SPATA6L: variants seen among roughly 807,000 people sequenced by gnomAD.
The protein encoded by SPATA6L is spermatogenesis associated 6 like, also known as spermatogenesis associated 6-like protein.
A neutral mutation model predicts 49.2 loss-of-function variants in SPATA6L; 68 were observed. That is an observed-to-expected ratio of 1.38 (90% CI 1.14 to 1.69). The LOEUF (loss-of-function observed/expected upper bound fraction) is 1.69. SPATA6L is among the 40% of genes most tolerant of loss of function. SPATA6L has a pLI of 0.00. For missense variants in SPATA6L, 668 were observed against 464.3 expected (o/e 1.44, Z -4.03); for synonymous variants, 198 against 165.7 (o/e 1.19, Z -1.50).
chr9:4,592,086 G>A (rs556432337), intron 13 of SPATA6L, among the ~76,000 whole-genome samples: 7 of 152,190 alleles, frequency 4.6e-5, no homozygotes, highest in East Asian at 1.9e-4. Context: ...AGGCCGAGGC[G>A]GGTGGATCAT....
chr9:4,654,713 T>C (rs557249333), intron 3 of SPATA6L, among the ~76,000 whole-genome samples: 37 of 152,306 alleles, frequency 2.4e-4, no homozygotes, highest in Middle Eastern at 3.4e-3. Context: ...CTCTTCCAAC[T>C]GCCCCGGCCA....
chr9:4,620,186 C>A (rs1316695819), intron 7 of SPATA6L, among the ~76,000 whole-genome samples: 2 of 152,304 alleles, frequency 1.3e-5, no homozygotes, highest in Middle Eastern at 3.4e-3. Flanking sequence ...TAGCCACAAA[C>A]CTGCCCTGTG....
intron 3 of SPATA6L, among the ~76,000 whole-genome samples, chr9:4,639,151 T>C (rs1313112974): frequency 6.6e-6 from 1 of 152,182 alleles, no homozygotes; most frequent in East Asian, 1.9e-4. Context: ...TGACATTGCC[T>C]ACCATTACCA....
At chr9:4,618,983 A>C in intron 7 of SPATA6L, 85 bp from the exon 8 acceptor site, 2 of 1,263,136 alleles carry the variant, frequency 1.6e-6, no homozygotes, top group Non-Finnish European at 2.2e-6. Flanking sequence ...CTACAGCAGT[A>C]CAAAAATTTT....
In SPATA6L at chr9:4,662,786, G is replaced by T; in HGVS notation, c.40-750C>A. On this transcript the variant is annotated intron_variant, in intron 1 of 11. Coordinates refer to ENST00000682582, the MANE Select transcript of SPATA6L (RefSeq NM_001353486.2). This position sits in a 1 kb window ranked among gnomAD's most constrained non-coding sequence, Gnocchi z 4.9. ...GCGTGCGACCCCTTATGAAGCTGCT[G>T]GAGATCTCGGGACACGGCATCCCCT... The T allele has an allele frequency of 6.2e-7, 1 of 1,605,240 alleles. No homozygotes were observed.
chr9:4,652,841 CAAAA>C (rs79392745), intron 3 of SPATA6L, among the ~76,000 whole-genome samples: 1 of 56,550 alleles, frequency 1.8e-5, no homozygotes, highest in African/African-American at 5.5e-5. Context: ...AATTCCGTCC[CAAAA>C]AAAAAAAAAA....
chr9:4,651,367 C>A (rs1836810135), intron 3 of SPATA6L, among the ~76,000 whole-genome samples: 1 of 152,068 alleles, frequency 6.6e-6, no homozygotes, highest in East Asian at 1.9e-4. Context: ...AATTAGTAAT[C>A]AAAAAACAAC....
intron 9 of SPATA6L, among the ~76,000 whole-genome samples, chr9:4,615,468 A>C (rs1332829709): frequency 2.0e-5 from 3 of 152,208 alleles, no homozygotes; most frequent in Admixed American, 2.0e-4. Flanking sequence ...AACATGAGGC[A>C]ATTCTTCCGT....
intron 1 of SPATA6L, chr9:4,665,059 T>A (rs1032447888): frequency 1.2e-5 from 2 of 167,146 alleles, no homozygotes; most frequent in Non-Finnish European, 2.9e-5. Flanking sequence ...AGGCTTACCA[T>A]CTGATTTGTA....
chr9:4,629,236 T>A, intron 4 of SPATA6L, 68 bp from the exon 5 acceptor site: 3 of 1,097,720 alleles, frequency 2.7e-6, no homozygotes, highest in Non-Finnish European at 4.0e-6. Flanking sequence ...TCCTTCTAAC[T>A]TGAAATCATA....
Position 4,656,193 on chromosome 9 carries a change from C to G in SPATA6L, c.178-104G>C. 5 of 898,684 alleles carry G rather than the reference C, an allele frequency of 5.6e-6. No homozygotes were observed. The South Asian group carries it at 6.0e-5, about 11-fold the overall frequency. 55.7% of individuals were successfully genotyped at this position (898,684 alleles called of 1,614,324 possible). A position where few individuals can be genotyped will look rare whatever the true frequency, so the allele number is the denominator to read the frequency against. On this transcript the variant is annotated intron_variant, in intron 2 of 11. Coordinates refer to ENST00000682582, the MANE Select transcript of SPATA6L (RefSeq NM_001353486.2). ...GTAGCTCACACCTGTAATCCTAGCA[C>G]TTTGGGAGGCCGAGGTGGGTGTATT...
At chr9:4,651,913 G>A (rs113556677) in intron 3 of SPATA6L, among the ~76,000 whole-genome samples, 1 of 152,118 alleles carries the variant, frequency 6.6e-6, no homozygotes, top group African/African-American at 2.4e-5. Context: ...TCACTTTCAC[G>A]GCTTCTATTC....
At chr9:4,614,653 G>A (rs895965683) in intron 9 of SPATA6L, among the ~76,000 whole-genome samples, 9 of 151,948 alleles carry the variant, frequency 5.9e-5, no homozygotes, top group African/African-American at 2.2e-4. Context: ...CAGCTGTCTT[G>A]GTTTACCTGG....
chr9:4,660,380 C>A (rs1039997587), intron 2 of SPATA6L, among the ~76,000 whole-genome samples: 1 of 152,184 alleles, frequency 6.6e-6, no homozygotes, highest in Admixed American at 6.5e-5. Context: ...AGGACATGAA[C>A]AGACACTTCT....
intron 3 of SPATA6L, among the ~76,000 whole-genome samples, chr9:4,639,114 G>A (rs1185954763): frequency 6.6e-6 from 1 of 152,098 alleles, no homozygotes; most frequent in Non-Finnish European, 1.5e-5. Flanking sequence ...GAATGACAAA[G>A]CCATGTAGAA....
chr9:4,649,240 C>A (rs117327039), intron 3 of SPATA6L, among the ~76,000 whole-genome samples: 1 of 152,132 alleles, frequency 6.6e-6, no homozygotes, highest in Non-Finnish European at 1.5e-5. Context: ...TAGACAGATA[C>A]CCTAGCAGTG....
intron 9 of SPATA6L, among the ~76,000 whole-genome samples, chr9:4,611,318 A>G (rs1360145181): frequency 6.7e-6 from 1 of 148,190 alleles, no homozygotes; most frequent in East Asian, 1.9e-4. Flanking sequence ...AAAGGACTAT[A>G]AATCATGCTG....
chr9:4,630,063 A>G (rs1177084594), intron 4 of SPATA6L, among the ~76,000 whole-genome samples: 1 of 152,052 alleles, frequency 6.6e-6, no homozygotes, highest in African/African-American at 2.4e-5. Context: ...AAAAGGTTAC[A>G]GACTGTATGA....
chr9:4,656,842 G>A lies in SPATA6L; in HGVS notation c.178-753C>T, dbSNP rs193191476. ...TCATTAAATGTTAACTGAATGAATGGTTTCTCTCTCCAAGCAATTGGTTGT... is the reference window on the plus strand; with the variant it reads ...TCATTAAATGTTAACTGAATGAATGATTTCTCTCTCCAAGCAATTGGTTGT... On this transcript the variant is annotated intron_variant, in intron 2 of 11. Coordinates refer to ENST00000682582, the MANE Select transcript of SPATA6L (RefSeq NM_001353486.2). Among the ~76,000 whole-genome samples the A allele has an allele frequency of 2.4e-3, 372 of 152,262 alleles. 3 individuals carry two copies. The highest frequency in any genetic ancestry group is 8.6e-3 in the African/African-American group (359 of 41,548).
Sources: allele counts gnomAD v4.1 joint callset (sites outside exome capture counted in the v4.1 genomes callset), GRCh38; gene constraint gnomAD v4.1.1; non-coding constraint Gnocchi (gnomAD v3.1); transcripts MANE v1.5; gene names NCBI Gene and HGNC (gene_info 2026-07-23, HGNC 2026-07-21).